Variants in SPOCK3 observed in about 807,000 individuals in gnomAD.
The protein encoded by SPOCK3 is testican-3.
SPOCK3 carries 30 observed loss-of-function variants against 56.6 expected under a neutral mutation model. The observed-to-expected ratio is 0.53, with a 90% CI of 0.40 to 0.72. The LOEUF (loss-of-function observed/expected upper bound fraction) is 0.72, where lower values mean the gene tolerates loss of function less well. Ranked by LOEUF, SPOCK3 falls within the 30% of genes least tolerant of loss-of-function variation. SPOCK3 has a pLI of 0.00. For synonymous variants in SPOCK3, 196 were observed against 183.3 expected, an observed-to-expected ratio of 1.07 and a Z score of -0.56; for missense variants, 527 against 530.0, an observed-to-expected ratio of 0.99 and a Z score of 0.06.
At chr4:166,750,884 C>T (rs1736288018) in intron 8 of SPOCK3, among the ~76,000 whole-genome samples, 1 of 152,040 alleles carries the variant, frequency 6.6e-6, no homozygotes, top group Non-Finnish European at 1.5e-5. Flanking sequence ...AATATAGAGT[C>T]AAAACTGAAA....
chr4:167,019,605 C>A (rs1174431296), intron 3 of SPOCK3, among the ~76,000 whole-genome samples: 1 of 151,270 alleles, frequency 6.6e-6, no homozygotes, highest in Non-Finnish European at 1.5e-5. Context: ...GTTTTTTATC[C>A]CGAATTCTTA....
At chr4:166,947,332 A>G (rs907400685) in intron 4 of SPOCK3, among the ~76,000 whole-genome samples, 2 of 152,132 alleles carry the variant, frequency 1.3e-5, no homozygotes, top group African/African-American at 4.8e-5. Context: ...CTGCACACAG[A>G]TTTTCTAAAC....
chr4:166,935,040 G>A (rs571310020), intron 4 of SPOCK3, among the ~76,000 whole-genome samples: 1 of 152,284 alleles, frequency 6.6e-6, no homozygotes, highest in East Asian at 1.9e-4. Flanking sequence ...GATAGCAAGT[G>A]GGCAGCATAA....
chr4:167,090,999 A>G (rs1438168064), intron 2 of SPOCK3, among the ~76,000 whole-genome samples: 2 of 152,162 alleles, frequency 1.3e-5, no homozygotes, highest in East Asian at 3.9e-4. Context: ...AATCAAAATG[A>G]TCCAATTATA....
intron 2 of SPOCK3, among the ~76,000 whole-genome samples, chr4:167,124,773 T>C (rs768347642): frequency 1.3e-5 from 2 of 152,240 alleles, no homozygotes; most frequent in African/African-American, 4.8e-5. Context: ...CTCTGTGGAA[T>C]AGCCATAATA....
intron 3 of SPOCK3, among the ~76,000 whole-genome samples, chr4:167,051,795 C>T (rs1406376810): frequency 6.6e-6 from 1 of 152,214 alleles, no homozygotes; most frequent in Non-Finnish European, 1.5e-5. Flanking sequence ...GCAGTGGTTC[C>T]ATTTCTAGAT....
At chr4:167,194,394 T>C (rs1032732398) in intron 2 of SPOCK3, among the ~76,000 whole-genome samples, 2 of 152,204 alleles carry the variant, frequency 1.3e-5, no homozygotes, top group Non-Finnish European at 2.9e-5. Flanking sequence ...ATGAATTTCT[T>C]TAAATCAGGC....
At chr4:166,906,054 T>A (rs1341608949) in intron 5 of SPOCK3, among the ~76,000 whole-genome samples, 3 of 152,032 alleles carry the variant, frequency 2.0e-5, no homozygotes, top group Non-Finnish European at 4.4e-5. Flanking sequence ...CTATAGAAAT[T>A]GACAGACTGA....
At chr4:167,089,121 T>C (rs1188894040) in intron 2 of SPOCK3, among the ~76,000 whole-genome samples, 1 of 151,964 alleles carries the variant, frequency 6.6e-6, no homozygotes, top group Non-Finnish European at 1.5e-5. Context: ...TAACTTAAAA[T>C]AAAGATTAAA....
chr4:166,968,160 A>C (rs1744950440), intron 4 of SPOCK3, among the ~76,000 whole-genome samples: 1 of 152,228 alleles, frequency 6.6e-6, no homozygotes, highest in Admixed American at 6.5e-5. Context: ...TCACATAAAC[A>C]AAGAAATGAC....
Position 166,817,715 on chromosome 4 carries a change from A to G in SPOCK3, c.590-25426T>C, listed in dbSNP as rs1456528100. ...AGAAAAACAGGCAATTAAAATCTAA[A>G]GAAAACAAAGGTAACAACATTTATA... On this transcript the variant is annotated intron_variant, in intron 6 of 10. Transcript: ENST00000357545. Among the ~76,000 whole-genome samples, 3 of 152,246 alleles carry G rather than the reference A, an allele frequency of 2.0e-5. No individual in the cohort carries two copies. In the East Asian group the frequency reaches 5.8e-4, roughly 30 times the overall value.
At position 166,960,809 on chromosome 4, in the gene SPOCK3, C is replaced by T. The variant is rs558336468; in HGVS notation, c.350+39540G>A. On this transcript the variant is annotated intron_variant, in intron 4 of 10. Transcript: ENST00000357545. ...GGCAGTGGACAGGCACAGGAGGGAT[C>T]GAGTTTTAAGAAATCCCACCTGGTC... 3.3e-5 allele frequency among the ~76,000 whole-genome samples: 5 copies of T among 152,214 alleles called. No individual in the cohort carries two copies. In the South Asian group the frequency reaches 1.0e-3, roughly 32 times the overall value.
chr4:166,774,412 A>G (rs1739297731), intron 7 of SPOCK3, among the ~76,000 whole-genome samples: 1 of 152,120 alleles, frequency 6.6e-6, no homozygotes. Flanking sequence ...GTAAACATAC[A>G]AGCATATGTC....
chr4:167,200,997 A>G (rs1252331394), intron 2 of SPOCK3, among the ~76,000 whole-genome samples: 1 of 152,022 alleles, frequency 6.6e-6, no homozygotes, highest in Non-Finnish European at 1.5e-5. Context: ...ATAGGTTATT[A>G]AAGCTTCTCA....
chr4:166,766,834 G>C (rs948540956), intron 7 of SPOCK3, among the ~76,000 whole-genome samples: 3 of 151,972 alleles, frequency 2.0e-5, no homozygotes, highest in African/African-American at 4.8e-5. Context: ...TTTTTTGGTT[G>C]GTACGCTCTT....
At chr4:166,994,297 G>C (rs547074205) in intron 4 of SPOCK3, among the ~76,000 whole-genome samples, 12 of 152,142 alleles carry the variant, frequency 7.9e-5, no homozygotes, top group African/African-American at 1.9e-4. Flanking sequence ...AAACTACATC[G>C]CAGAAAGTAC....
chr4:166,889,405 T>C (rs1233915594), intron 5 of SPOCK3, among the ~76,000 whole-genome samples, 161 bp from the exon 6 acceptor site: 1 of 152,016 alleles, frequency 6.6e-6, no homozygotes. Flanking sequence ...TACACACTTA[T>C]GTAGAGTATT....
At chr4:167,054,034 T>C (rs892276151) in intron 3 of SPOCK3, among the ~76,000 whole-genome samples, 1 of 152,176 alleles carries the variant, frequency 6.6e-6, no homozygotes, top group South Asian at 2.1e-4. Context: ...CCAAGTTCCT[T>C]TGGATAGCAA....
At chr4:167,146,946 G>A (rs1764013201) in intron 2 of SPOCK3, among the ~76,000 whole-genome samples, 1 of 151,844 alleles carries the variant, frequency 6.6e-6, no homozygotes, top group Non-Finnish European at 1.5e-5. Context: ...CAGAAGACAA[G>A]AAATAACTAA....
Sources: gnomAD v4.1 joint callset for allele counts (sites outside exome capture counted in the v4.1 genomes callset) on GRCh38, gnomAD v4.1.1 for gene constraint, MANE v1.5 for transcripts, NCBI Gene and HGNC (gene_info 2026-07-23, HGNC 2026-07-21) for gene names.